The following NUP58 variants were observed in gnomAD, a reference collection of about 807,000 sequenced individuals.
NUP58 encodes the protein nucleoporin 58.
In NUP58, 17 loss-of-function variants were observed where a neutral mutation model predicts 70.1. The observed-to-expected ratio is 0.24, with a 90% confidence interval of 0.17 to 0.36. NUP58 has a LOEUF of 0.36. Among genes scored for constraint, NUP58 ranks in the 10% least tolerant of loss-of-function variants. The probability of loss-of-function intolerance (pLI) is 1.00; values close to 1 mark genes in which losing one functional copy is unlikely to be tolerated. For missense variants in NUP58, 644 were observed against 701.5 expected (o/e 0.92, Z 0.93); for synonymous variants, 275 against 257.6 (o/e 1.07, Z -0.65).
chr13:25,338,563 G>A lies in NUP58; in HGVS notation c.1535-73G>A, dbSNP rs569548964. On this transcript the variant is annotated intron_variant, in intron 14 of 15. Transcript: ENST00000381736. ...ATCTGTTAGACCTCTGATGATTTTC[G>A]GTTGTACTTGTCCATATCCTTTAAC... is the stretch of plus-strand genomic sequence containing the variant. 3.3e-4 allele frequency: 350 copies of A among 1,065,830 alleles called. 1 individual carries two copies. Among genetic ancestry groups the A allele is most frequent in the Admixed American group, 4.9e-4 (27 of 55,274 alleles). The allele number at this position is 1,065,830 out of a possible 1,614,324, so 66.0% of individuals were successfully genotyped here.
chr13:25,309,537 T>A, intron 3 of NUP58: 1 of 367,510 alleles, frequency 2.7e-6, no homozygotes, highest in Admixed American at 4.6e-5. Context: ...TGGAAGTTTA[T>A]TTCATATTAC....
intron 10 of NUP58, among the ~76,000 whole-genome samples, chr13:25,325,962 C>G (rs1460777526): frequency 6.6e-6 from 1 of 152,098 alleles, no homozygotes; most frequent in Non-Finnish European, 1.5e-5. Flanking sequence ...TTCCAATTTC[C>G]TACATATTAA....
intron 3 of NUP58, among the ~76,000 whole-genome samples, chr13:25,311,604 A>G (rs925140749): frequency 6.6e-6 from 1 of 150,416 alleles, no homozygotes; most frequent in South Asian, 2.1e-4. Context: ...CGAACTCCTG[A>G]CCTAAGGTGA....
chr13:25,349,417 G>A (rs541237737), intron 3 of NUP58: 2 of 152,416 alleles, frequency 1.3e-5, no homozygotes, highest in South Asian at 4.1e-4. Context: ...GTAAAATGAA[G>A]ATAAGAATCC....
chr13:25,323,407 T>A (rs528491326), intron 9 of NUP58, among the ~76,000 whole-genome samples: 1 of 151,546 alleles, frequency 6.6e-6, no homozygotes, highest in Non-Finnish European at 1.5e-5. Context: ...TATTTCATGC[T>A]CACCAGGTCA....
downstream of NUP58, among the ~76,000 whole-genome samples, chr13:25,343,779 G>A (rs2032009533): frequency 6.8e-6 from 1 of 147,858 alleles, no homozygotes; most frequent in African/African-American, 2.5e-5. Flanking sequence ...CCTTTTTAGT[G>A]GCTGTGTAGT....
chr13:25,304,477 A>G (rs1566054266), intron 1 of NUP58, among the ~76,000 whole-genome samples: 2 of 74,906 alleles, frequency 2.7e-5, no homozygotes, highest in African/African-American at 1.3e-4. Flanking sequence ...TGTTGTCAAG[A>G]TTATATATAT....
At chr13:25,301,940 C>A in intron 1 of NUP58, 60 bp downstream of exon 1, 2 of 1,101,026 alleles carry the variant, frequency 1.8e-6, no homozygotes, top group Non-Finnish European at 2.7e-6. Flanking sequence ...CCCCGCAAAG[C>A]TCCCTTGGTG....
At chr13:25,328,316 T>C (rs2031478638) in intron 12 of NUP58, among the ~76,000 whole-genome samples, 1 of 152,316 alleles carries the variant, frequency 6.6e-6, no homozygotes, top group Middle Eastern at 3.4e-3. Context: ...TTTCTCCCTT[T>C]TAAATACAGG....
In NUP58 at chr13:25,321,190, A is replaced by C; in HGVS notation, c.951+97A>C. The C allele has an allele frequency of 2.8e-6, 3 of 1,068,166 alleles. No homozygotes were observed. The South Asian group carries it at 4.5e-5, about 16-fold the overall frequency. 66.2% of individuals were successfully genotyped at this position (1,068,166 alleles called of 1,614,324 possible). On this transcript the variant is annotated intron_variant, in intron 9 of 15. Transcript: ENST00000381736. Reference sequence around the variant, plus strand: ...TTTGTTTTGTTTGTTTTTAATTATGAAATTTGATACATGCATACCGGTAGA... The same window carrying C: ...TTTGTTTTGTTTGTTTTTAATTATGCAATTTGATACATGCATACCGGTAGA...
intron 5 of NUP58, 80 bp downstream of exon 5, chr13:25,313,831 G>A: frequency 8.4e-7 from 1 of 1,195,688 alleles, no homozygotes. Context: ...ACTTTGAGCA[G>A]GTCACTTTTT....
rs763654289 is a variant in NUP58 at position 25,321,007 on chromosome 13, G to T, written c.865G>T (p.Ala289Ser). The change falls in exon 9 of 16, where the codon GCT becomes TCT. Residue 289 changes from alanine (A) to serine (S), a missense_variant. This residue lies in a region of NUP58 where 430 missense variants were observed against 409.2 expected (regional missense o/e 1.05). Transcript: ENST00000381736. ...AMLKVQEDIK[A>S]LKQLLSLAAN... The stretch of plus-strand genomic sequence containing the variant: ...GCTTAAGGTACAAGAAGATATTAAA[G>T]CTCTGAAGCAGCTCCTGTCGTTGGC... 1 of 1,599,992 alleles carries T rather than the reference G, an allele frequency of 6.3e-7. No individual in the cohort carries two copies. The highest frequency in any genetic ancestry group is 2.3e-5 in the East Asian group (1 of 44,026).
intron 13 of NUP58, chr13:25,334,627 T>C: frequency 2.0e-6 from 2 of 981,914 alleles, no homozygotes; most frequent in Non-Finnish European, 2.4e-6. Context: ...AGAAAAATTA[T>C]TTTAAAATGT....
At chr13:25,319,208 C>A in intron 6 of NUP58, 118 bp from the exon 7 acceptor site, 2 of 942,172 alleles carry the variant, frequency 2.1e-6, no homozygotes, top group Non-Finnish European at 3.4e-6. Flanking sequence ...ATGAGGCAAG[C>A]AAAGAAATGC....
At chr13:25,305,622 C>G (rs374909684) in intron 1 of NUP58, among the ~76,000 whole-genome samples, 18 of 152,282 alleles carry the variant, frequency 1.2e-4, no homozygotes, top group African/African-American at 3.6e-4. Flanking sequence ...AAGTTCTACC[C>G]TTAATAAGCT....
chr13:25,309,487 A>C, intron 3 of NUP58: 2 of 436,612 alleles, frequency 4.6e-6, no homozygotes, highest in Non-Finnish European at 8.0e-6. Flanking sequence ...TACTTTTATA[A>C]TTCAGAAAAG....
intron 2 of NUP58, 130 bp from the exon 3 acceptor site, chr13:25,309,117 A>G (rs759120481): frequency 2.9e-6 from 2 of 681,480 alleles, no homozygotes; most frequent in Admixed American, 2.8e-5. Context: ...AGATACTATG[A>G]TATGTATTGT....
At chr13:25,329,769 G>A (rs2031537433) in intron 12 of NUP58, among the ~76,000 whole-genome samples, 1 of 152,090 alleles carries the variant, frequency 6.6e-6, no homozygotes, top group Non-Finnish European at 1.5e-5. Context: ...GGAAGTTTTA[G>A]CAATTTGTTT....
chr13:25,325,430 TAAGTAG>T (rs2031356903), intron 10 of NUP58, among the ~76,000 whole-genome samples: 1 of 152,170 alleles, frequency 6.6e-6, no homozygotes, highest in Admixed American at 6.5e-5. Flanking sequence ...AAAATATACA[TAAGTAG>T]AAGAAAAAAC....
Sources: gnomAD v4.1 joint callset for allele counts (sites outside exome capture counted in the v4.1 genomes callset) on GRCh38, gnomAD v4.1.1 for gene constraint, gnomAD v4.1.1 regional missense constraint, MANE v1.5 for transcripts, NCBI Gene and HGNC (gene_info 2026-07-23, HGNC 2026-07-21) for gene names.